TRIM66: variants seen among roughly 807,000 people sequenced by gnomAD.
TRIM66 encodes the protein tripartite motif containing 66, also known as tripartite motif-containing protein 66.
A neutral mutation model predicts 148.2 loss-of-function variants in TRIM66; 99 were observed. The ratio of observed to expected loss-of-function variants is 0.67; its 90% CI spans 0.57 to 0.79. TRIM66 has a LOEUF of 0.79. TRIM66 is among the 30% of genes least tolerant of loss of function. TRIM66 has a pLI of 0.00. For synonymous variants in TRIM66, 616 were observed against 635.9 expected (o/e 0.97, Z 0.47); for missense variants, 1,666 against 1,697.9 (o/e 0.98, Z 0.33).
chr11:8,639,797 C>A (rs568760622), intron 14 of TRIM66, among the ~76,000 whole-genome samples: 2 of 152,250 alleles, frequency 1.3e-5, no homozygotes, highest in Admixed American at 6.5e-5. Flanking sequence ...TAACATGGAC[C>A]CTCACTCTGC....
At chr11:8,676,941 T>A (rs1175598755) in intron 3 of TRIM66, among the ~76,000 whole-genome samples, 4 of 152,254 alleles carry the variant, frequency 2.6e-5, no homozygotes, top group Non-Finnish European at 5.9e-5. Flanking sequence ...ATTATTTTTA[T>A]TTACATTTTA....
At chr11:8,632,002 G>T (rs1222240645) in intron 15 of TRIM66, among the ~76,000 whole-genome samples, 3 of 152,142 alleles carry the variant, frequency 2.0e-5, no homozygotes, top group Non-Finnish European at 2.9e-5. Context: ...CACACTGAAG[G>T]CCTTCAGTCT....
At chr11:8,628,124 G>A (rs1006657526) in intron 15 of TRIM66, among the ~76,000 whole-genome samples, 5 of 151,120 alleles carry the variant, frequency 3.3e-5, no homozygotes, top group Non-Finnish European at 5.9e-5. Context: ...GAACCACCAC[G>A]CCCATCCTGA....
At chr11:8,651,984 A>G (rs2037398434) in intron 6 of TRIM66, 81 bp from the exon 7 acceptor site, 2 of 1,129,970 alleles carry the variant, frequency 1.8e-6, no homozygotes, top group African/African-American at 3.1e-5. Context: ...TTTCTAATAC[A>G]CAACACCAAG....
At position 8,647,918 on chromosome 11, in the gene TRIM66, G is replaced by A. The variant is rs981045630; in HGVS notation, c.842+52C>T. The A allele has an allele frequency of 1.6e-5, 22 of 1,394,736 alleles. No homozygotes were observed. The Admixed American group carries it at 2.8e-4, about 17-fold the overall frequency. 86.4% of individuals were successfully genotyped at this position (1,394,736 alleles called of 1,614,324 possible). On this transcript the variant is annotated intron_variant, in intron 10 of 24. Transcript: ENST00000646038. ...TGACGGCCTGGTGTTGGAACCCTGG[G>A]TGTGCGGGAACAGAGCATTTCCAGC...
chr11:8,659,569 C>G (rs2038105552), intron 6 of TRIM66, among the ~76,000 whole-genome samples: 2 of 152,116 alleles, frequency 1.3e-5, no homozygotes, highest in South Asian at 4.2e-4. Flanking sequence ...GGCATCCTTG[C>G]CCTCTTAATA....
At chr11:8,646,378 G>A (rs1407469052) in intron 11 of TRIM66, 69 bp downstream of exon 11, 1 of 1,297,388 alleles carries the variant, frequency 7.7e-7, no homozygotes, top group Non-Finnish European at 1.1e-6. Flanking sequence ...GCTTCCCTAG[G>A]TCCTGGGACT....
intron 6 of TRIM66, among the ~76,000 whole-genome samples, chr11:8,669,504 T>C (rs1266081318): frequency 6.6e-6 from 1 of 151,948 alleles, no homozygotes; most frequent in East Asian, 1.9e-4. Context: ...ATTAGCTGGG[T>C]GTGGTGGCAC....
intron 15 of TRIM66, among the ~76,000 whole-genome samples, chr11:8,634,764 C>T (rs184028425): frequency 1.1e-4 from 16 of 152,328 alleles, no homozygotes; most frequent in Non-Finnish European, 1.9e-4. Context: ...TTTCCACCAT[C>T]GGCTCACATA....
At chr11:8,657,931 A>G (rs886832951) in intron 6 of TRIM66, among the ~76,000 whole-genome samples, 1 of 152,236 alleles carries the variant, frequency 6.6e-6, no homozygotes, top group Non-Finnish European at 1.5e-5. Context: ...TTAGGGCAAC[A>G]CTGGGAGAGA....
intron 3 of TRIM66, among the ~76,000 whole-genome samples, chr11:8,675,544 A>C (rs1333667360): frequency 6.6e-6 from 1 of 151,636 alleles, no homozygotes; most frequent in East Asian, 1.9e-4. Context: ...CACCACACCC[A>C]GCTAATTTTG....
chr11:8,640,935 C>T lies in TRIM66; in HGVS notation c.1440G>A (p.Gln480=). ...CTGGGTGTATGCTGGGTGGGGGGAC[C>T]TGGCCTTTGAGGGAAGGCGAGACTG... ...CSPVSPSLKG[Q]VPPPSIHPAH... Residue 480 remains glutamine, a synonymous_variant, in exon 14 of 25, where the codon CAG becomes CAA. Coordinates refer to ENST00000646038, the MANE Select transcript of TRIM66 (RefSeq NM_001388022.1). 6.4e-7 allele frequency: 1 copy of T among 1,551,044 alleles called. No homozygotes were observed. Among genetic ancestry groups the T allele is most frequent in the Middle Eastern group, 1.8e-4 (1 of 5,538 alleles).
chr11:8,676,605 G>A (rs2039189213), intron 3 of TRIM66, among the ~76,000 whole-genome samples: 1 of 152,192 alleles, frequency 6.6e-6, no homozygotes, highest in South Asian at 2.1e-4. Context: ...TCTTAGAAGA[G>A]CAATTGAAGT....
intron 6 of TRIM66, among the ~76,000 whole-genome samples, chr11:8,661,307 C>T (rs2038236868): frequency 6.6e-6 from 1 of 152,212 alleles, no homozygotes; most frequent in Non-Finnish European, 1.5e-5. Context: ...AGAGCCCATG[C>T]TCCTAGGAAC....
In TRIM66 at chr11:8,646,428, T is replaced by C. The variant is rs1206848843; in HGVS notation, c.957+19A>G. 1.3e-6 allele frequency: 2 copies of C among 1,544,626 alleles called. No homozygotes were observed. Among genetic ancestry groups the C allele is most frequent in the African/African-American group, 2.7e-5 (2 of 72,876 alleles). On this transcript the variant is annotated intron_variant, in intron 11 of 24. Coordinates refer to ENST00000646038, the MANE Select transcript of TRIM66 (RefSeq NM_001388022.1). ...ATGGTTTCTGAACCCAACCATCTGA[T>C]CCATCTGTCTATACATACCTCTAAT...
chr11:8,658,828 A>G (rs78178190), intron 6 of TRIM66: 1 of 985,148 alleles, frequency 1.0e-6, no homozygotes, highest in East Asian at 1.1e-4. Flanking sequence ...ACAGACATTG[A>G]AATCTGTCTC....
intron 14 of TRIM66, 54 bp downstream of exon 14, chr11:8,640,173 C>T: frequency 6.6e-7 from 1 of 1,505,086 alleles, no homozygotes; most frequent in East Asian, 2.5e-5. Context: ...GCTGTGTTCC[C>T]TGAGTGATCC....
At chr11:8,680,429 G>A (rs1339599563) in intron 1 of TRIM66, among the ~76,000 whole-genome samples, 1 of 147,252 alleles carries the variant, frequency 6.8e-6, no homozygotes, top group African/African-American at 2.5e-5. Flanking sequence ...CTCCAGTTAA[G>A]AGATATGATG....
At chr11:8,642,771 T>C (rs1207676172) in intron 13 of TRIM66, among the ~76,000 whole-genome samples, 2 of 144,072 alleles carry the variant, frequency 1.4e-5, no homozygotes, top group Admixed American at 1.5e-4. Flanking sequence ...TAAACTCAGA[T>C]TTCAACTCAT....
Sources: allele counts gnomAD v4.1 joint callset (sites outside exome capture counted in the v4.1 genomes callset), GRCh38; gene constraint gnomAD v4.1.1; transcripts MANE v1.5; gene names NCBI Gene and HGNC (gene_info 2026-07-23, HGNC 2026-07-21).